The following POLQ variants were observed in gnomAD, a reference collection of about 807,000 sequenced individuals.
POLQ encodes the protein epididymis secretory sperm binding protein.
Under a neutral mutation model 259.2 loss-of-function variants are expected in POLQ, and 233 were observed. The ratio of observed to expected loss-of-function variants is 0.90; its 90% confidence interval spans 0.81 to 1.00. POLQ has a LOEUF of 1.00. Among genes scored for constraint, POLQ ranks in the 50% least tolerant of loss-of-function variants. The pLI, the probability that POLQ is intolerant of heterozygous loss-of-function variation, is 0.00. For synonymous variants in POLQ, 1,025 were observed against 1,048.8 expected (o/e 0.98, Z 0.44); for missense variants, 2,871 against 3,051.6 (o/e 0.94, Z 1.39).
rs1004298328 is a variant in POLQ, at chr3:121,539,556, C to T, written c.508G>A (p.Gly170Ser). The change falls in exon 4 of 30, where the codon GGT becomes AGT. Residue 170 changes from glycine (G) to serine (S), a missense_variant. Gly to Ser is a moderately conservative substitution (Grantham distance 56). Coordinates refer to ENST00000264233, the MANE Select transcript of POLQ (RefSeq NM_199420.4). ...LFQEVGIKVD[G>S]YMGSTSPSRH... ...GATGGAGAGGTGCTGCCCATATAACCGTCTACTTTTATTCCTACTTCCTGA... is the reference window on the plus strand; with the variant it reads ...GATGGAGAGGTGCTGCCCATATAACTGTCTACTTTTATTCCTACTTCCTGA... 4.3e-6 allele frequency: 7 copies of T among 1,612,728 alleles called. No homozygotes were observed. Among genetic ancestry groups the T allele is most frequent in the Admixed American group, 1.7e-5 (1 of 59,922 alleles).
chr3:121,489,001 G>C lies in POLQ; in HGVS notation c.3930C>G (p.Asp1310Glu). ...CAAAATCACAGAGGACTAAACCTAA[G>C]TCAGAAACATGATTATTTTTAGTTT... ...TNKTKNNHVS[D>E]LGLVLCDFED... Residue 1310 changes from aspartate to glutamate, a missense_variant, in exon 16 of 30, where the codon GAC (aspartate) becomes GAG (glutamate). Around this residue, in one of 3 missense-constraint regions of POLQ, gnomAD observed 2,080 missense variants for 2,126.0 expected, o/e 0.98. Transcript: ENST00000264233. The C allele has an allele frequency of 2.5e-6, 4 of 1,612,768 alleles. No homozygotes were observed. Among genetic ancestry groups the C allele is most frequent in the Middle Eastern group, 1.6e-4 (1 of 6,062 alleles).
chr3:121,479,382 G>GTGTGTGTT lies in POLQ; in HGVS notation c.6211+2189_6211+2190insAACACACA, dbSNP rs2047953524. 2.6e-5 allele frequency among the ~76,000 whole-genome samples: 4 copies of GTGTGTGTT among 151,578 alleles called. No individual in the cohort carries two copies. In the South Asian group the frequency reaches 8.4e-4, roughly 32 times the overall value. On this transcript the variant is annotated intron_variant, in intron 19 of 29. Coordinates refer to ENST00000264233, the MANE Select transcript of POLQ (RefSeq NM_199420.4). Reference sequence around the variant, plus strand: ...AAAAAATGTGTGTGTGTGTGTGTGTGTGTGTATACACATCAAAACTGTAGA... The same window carrying GTGTGTGTT: ...AAAAAATGTGTGTGTGTGTGTGTGTGTGTGTGTTTGTGTATACACATCAAAACTGTAGA...
chr3:121,533,270 G>A (rs1415559102), intron 5 of POLQ, 61 bp from the exon 6 acceptor site: 1 of 1,098,390 alleles, frequency 9.1e-7, no homozygotes. Context: ...AATTAGTGTT[G>A]CTAACAATAT....
chr3:121,458,119 G>A (rs1308435360), intron 25 of POLQ, among the ~76,000 whole-genome samples: 1 of 152,058 alleles, frequency 6.6e-6, no homozygotes, highest in African/African-American at 2.4e-5. Context: ...ATCATTCTCA[G>A]TAAACTATCG....
chr3:121,520,233 A>C (rs2048328367), intron 8 of POLQ, 150 bp from the exon 9 acceptor site: 2 of 628,052 alleles, frequency 3.2e-6, no homozygotes, highest in Non-Finnish European at 5.7e-6. Context: ...ATCACAGTCT[A>C]TCTCTTTAAC....
chr3:121,462,367 T>C (rs1412771472), intron 24 of POLQ, among the ~76,000 whole-genome samples: 2 of 152,160 alleles, frequency 1.3e-5, no homozygotes, highest in African/African-American at 4.8e-5. Context: ...CTCAGGGATC[T>C]GAATGGAGGC....
intron 10 of POLQ, 76 bp from the exon 11 acceptor site, chr3:121,510,319 T>G (rs1011848334): frequency 4.8e-5 from 49 of 1,010,480 alleles, no homozygotes; most frequent in Non-Finnish European, 6.4e-5. Context: ...GGCTCATGCC[T>G]GTAATCCCAG....
chr3:121,496,973 C>G (rs778157620), intron 13 of POLQ, 41 bp from the exon 14 acceptor site: 11 of 1,606,484 alleles, frequency 6.8e-6, no homozygotes, highest in Non-Finnish European at 8.5e-6. Context: ...AGATCCTTCA[C>G]GTCTACTAGG....
chr3:121,522,054 C>T lies in POLQ; in HGVS notation c.1204G>A (p.Asp402Asn). The change falls in exon 8 of 30, where the codon GAC becomes AAC. Residue 402 changes from aspartate (D) to asparagine (N), a missense_variant. By Grantham distance (23) the Asp-to-Asn change is conservative. Transcript: ENST00000264233. ...DQLRRLPSGL[D>N]SVLQKTVPWG... Reference sequence around the variant, plus strand: ...GGTACAGTTTTCTGTAATACAGAGTCCAGTCCTGAAGGCAAACGTCTTAAC... The same window carrying T: ...GGTACAGTTTTCTGTAATACAGAGTTCAGTCCTGAAGGCAAACGTCTTAAC... 1 of 1,607,490 alleles carries T rather than the reference C, an allele frequency of 6.2e-7. No homozygotes were observed. Among genetic ancestry groups the T allele is most frequent in the Non-Finnish European group, 8.5e-7 (1 of 1,176,468 alleles).
intron 2 of POLQ, 30 bp from the exon 3 acceptor site, chr3:121,541,509 A>C (rs762318693): frequency 6.4e-7 from 1 of 1,565,702 alleles, no homozygotes; most frequent in Non-Finnish European, 8.7e-7. Flanking sequence ...CAAGATTATA[A>C]GAAAAAAGTA....
intron 7 of POLQ, among the ~76,000 whole-genome samples, chr3:121,526,096 A>G (rs1348843045): frequency 6.6e-6 from 1 of 152,180 alleles, no homozygotes; most frequent in African/African-American, 2.4e-5. Flanking sequence ...CTTGATCTAC[A>G]GACCAAATTA....
rs1173368512 is a variant in POLQ at position 121,432,959 on chromosome 3, C to T, written c.7618G>A (p.Asp2540Asn). The T allele has an allele frequency of 6.2e-7, 1 of 1,611,068 alleles. No homozygotes were observed. Among genetic ancestry groups the T allele is most frequent in the Non-Finnish European group, 8.5e-7 (1 of 1,177,388 alleles). The change falls in exon 29 of 30, where the codon GAT becomes AAT. Residue 2540 changes from aspartate to asparagine, a missense_variant. Asp to Asn is a conservative substitution (Grantham distance 23, BLOSUM62 1). Around this residue, in one of 3 missense-constraint regions of POLQ, gnomAD observed 2,080 missense variants for 2,126.0 expected, o/e 0.98. Transcript: ENST00000264233. ...RGGFFILQLH[D>N]ELLYEVAEED... is the part of the protein sequence containing the mutation. ...TCTGCCACTTCATATAGGAGTTCATCATGGAGTTGAAGGATGAAGAAGCCT... is the reference window on the plus strand; with the variant it reads ...TCTGCCACTTCATATAGGAGTTCATTATGGAGTTGAAGGATGAAGAAGCCT...
chr3:121,514,330 T>C (rs1485915168), intron 9 of POLQ, among the ~76,000 whole-genome samples: 1 of 34,478 alleles, frequency 2.9e-5, no homozygotes, highest in Non-Finnish European at 6.2e-5. Context: ...TTCCGTGTAT[T>C]AAAAAAAAAA....
In POLQ at chr3:121,544,773, G is replaced by C; in HGVS notation, c.297C>G (p.Cys99Trp). Residue 99 changes from cysteine (C) to tryptophan (W), a missense_variant, in exon 2 of 30, where the codon TGC (cysteine) becomes TGG (tryptophan). Cys to Trp is a radical substitution (Grantham distance 215). Transcript: ENST00000264233. ...CTTCCAGGACTTGTCCAAGCAAAAG[G>C]CACTCTGCCTGCCATTCAAACATCT... ...VKKMFEWQAE[C>W]LLLGQVLEGK... 6.2e-7 allele frequency: 1 copy of C among 1,613,380 alleles called. No homozygotes were observed. Among genetic ancestry groups the C allele is most frequent in the Non-Finnish European group, 8.5e-7 (1 of 1,179,448 alleles).
chr3:121,482,530 A>AG (rs972790728), intron 18 of POLQ, among the ~76,000 whole-genome samples: 6 of 151,768 alleles, frequency 4.0e-5, no homozygotes, highest in Non-Finnish European at 8.8e-5. Context: ...CAAAAAAAAA[A>AG]AAAAGTGACG....
Position 121,539,692 on chromosome 3 carries a change from T to G in POLQ, c.475-103A>C, listed in dbSNP as rs1482054737. 1.7e-5 allele frequency: 14 copies of G among 800,074 alleles called. No homozygotes were observed. In the East Asian group the frequency reaches 3.4e-4, roughly 19 times the overall value. The allele number at this position is 800,074 out of a possible 1,614,324, so 49.6% of individuals were successfully genotyped here. On this transcript the variant is annotated intron_variant, in intron 3 of 29. Transcript: ENST00000264233. ...ATAGACATAAGTATCTAAAGACATCTACCAGATTACTGTCATCAGTTGTTT... is the reference window on the plus strand; with the variant it reads ...ATAGACATAAGTATCTAAAGACATCGACCAGATTACTGTCATCAGTTGTTT...
At chr3:121,533,903 C>CCT (rs2048430081) in intron 5 of POLQ, among the ~76,000 whole-genome samples, 1 of 119,640 alleles carries the variant, frequency 8.4e-6, no homozygotes, top group East Asian at 2.6e-4. Context: ...TGTGGATACC[C>CCT]TTTTTTTTTT....
At chr3:121,532,655 T>C (rs554421533) in intron 6 of POLQ, among the ~76,000 whole-genome samples, 1 of 152,110 alleles carries the variant, frequency 6.6e-6, no homozygotes, top group Admixed American at 6.5e-5. Flanking sequence ...TGCCTCAGCC[T>C]CCCGAGTAGC....
At chr3:121,496,253 T>C (rs1364041535) in intron 14 of POLQ, among the ~76,000 whole-genome samples, 2 of 150,542 alleles carry the variant, frequency 1.3e-5, no homozygotes, top group African/African-American at 4.9e-5. Flanking sequence ...CTCAGCTCAC[T>C]GCAACCTCTG....
Sources: gnomAD v4.1 joint callset for allele counts (sites outside exome capture counted in the v4.1 genomes callset) on GRCh38, gnomAD v4.1.1 for gene constraint, gnomAD v4.1.1 regional missense constraint, MANE v1.5 for transcripts, NCBI Gene and HGNC (gene_info 2026-07-23, HGNC 2026-07-21) for gene names.